IDUA: variants seen among roughly 807,000 people sequenced by gnomAD.
IDUA encodes the protein alpha-L-iduronidase, also known as iduronidase alpha-L-.
A neutral mutation model predicts 68.9 loss-of-function variants in IDUA; 65 were observed. That is an observed-to-expected ratio of 0.94 (90% CI 0.77 to 1.16). The LOEUF is 1.16. Ranked by LOEUF, IDUA falls within the 50% of genes most tolerant of loss-of-function variation. IDUA has a pLI of 0.00. For synonymous variants in IDUA, 529 were observed against 433.6 expected (o/e 1.22, Z -2.73); for missense variants, 1,046 against 938.0 (o/e 1.12, Z -1.50).
intron 10 of IDUA, 55 bp from the exon 11 acceptor site, chr4:1,003,290 G>C: frequency 1.4e-6 from 2 of 1,383,728 alleles, no homozygotes; most frequent in South Asian, 1.6e-5. Flanking sequence ...CCTGAGGTCG[G>C]GCCGAGCGTC....
In IDUA at chr4:1,001,693, T is replaced by C; in HGVS notation, c.604T>C (p.Tyr202His). The stretch of plus-strand genomic sequence containing the variant: ...CCCCGGCCCAGGCTTCCTGAACTAC[T>C]ACGATGCCTGCTCGGAGGGTCTGCG... ...SMTMQGFLNY[Y>H]DACSEGLRAA... The change falls in exon 6 of 14, where the codon TAC becomes CAC. Residue 202 changes from tyrosine to histidine, a missense_variant. Coordinates refer to ENST00000514224, the MANE Select transcript of IDUA (RefSeq NM_000203.5). The C allele has an allele frequency of 6.2e-7, 1 of 1,601,006 alleles. No individual in the cohort carries two copies. The highest frequency in any genetic ancestry group is 1.1e-5 in the South Asian group (1 of 90,868).
In IDUA at chr4:1,002,364, C is replaced by G; in HGVS notation, c.1068C>G (p.His356Gln). ...LSNDNAFLSYHPHPFAQRTLT... is the reference protein window; with the variant it reads ...LSNDNAFLSYQPHPFAQRTLT... ...ACGACAATGCCTTCCTGAGCTACCA[C>G]CCGCACCCCTTCGCGCAGCGCACGC... Residue 356 changes from histidine to glutamine, a missense_variant, in exon 8 of 14, where the codon CAC becomes CAG. Physicochemically the swap from His to Gln is conservative, Grantham distance 24 (BLOSUM62 0). Transcript: ENST00000514224. 1 of 1,612,838 alleles carries G rather than the reference C, an allele frequency of 6.2e-7. No homozygotes were observed.
chr4:992,906 G>A (rs1334652847), intron 2 of IDUA: 1 of 152,266 alleles, frequency 6.6e-6, no homozygotes, highest in Non-Finnish European at 1.5e-5. Flanking sequence ...AGGACACCCT[G>A]GAGCCTGGGC....
At chr4:990,597 G>A (rs1029811081) in intron 2 of IDUA, 2 of 580,102 alleles carry the variant, frequency 3.4e-6, no homozygotes, top group African/African-American at 1.9e-5. Flanking sequence ...GCACACAGCT[G>A]GCCATAGACA....
At chr4:988,948 C>A in intron 2 of IDUA, 1 of 1,596,164 alleles carries the variant, frequency 6.3e-7, no homozygotes. Flanking sequence ...GGGGCCCTCC[C>A]CGAGGAAGCC....
intron 2 of IDUA, 64 bp downstream of exon 2, chr4:988,013 G>A (rs1713881138): frequency 6.6e-7 from 1 of 1,512,546 alleles, no homozygotes. Flanking sequence ...GGGAGGGGAG[G>A]GCTGGGGGCT....
In IDUA at chr4:1,002,329, C is replaced by T. The variant is rs1279043542; in HGVS notation, c.1033C>T (p.Leu345Phe). The T allele has an allele frequency of 4.3e-6, 7 of 1,613,162 alleles. No homozygotes were observed. Among genetic ancestry groups the T allele is most frequent in the East Asian group, 2.2e-5 (1 of 44,884 alleles). The change falls in exon 8 of 14, where the codon CTC becomes TTC. Residue 345 changes from leucine (L) to phenylalanine (F), a missense_variant. Physicochemically the swap from Leu to Phe is conservative, Grantham distance 22. Coordinates refer to ENST00000514224, the MANE Select transcript of IDUA (RefSeq NM_000203.5). ...CACCACCTCCGCCTTCCCCTACGCG[C>T]TCCTGAGCAACGACAATGCCTTCCT... ...ANTTSAFPYA[L>F]LSNDNAFLSY...
At chr4:991,321 A>C (rs760890401) in intron 2 of IDUA, 1 of 1,612,840 alleles carries the variant, frequency 6.2e-7, no homozygotes, top group East Asian at 2.2e-5. Flanking sequence ...GAGGCAAAGC[A>C]GGCTGAAGAT....
At position 987,071 on chromosome 4, in the gene IDUA, G is replaced by A; in HGVS notation, c.-14G>A. The A allele has an allele frequency of 1.3e-6, 2 of 1,504,166 alleles. No homozygotes were observed. Among genetic ancestry groups the A allele is most frequent in the South Asian group, 1.2e-5 (1 of 81,370 alleles). The allele number at this position is 1,504,166 out of a possible 1,614,324, so 93.2% of individuals were successfully genotyped here. On this transcript the variant is annotated 5_prime_UTR_variant, in exon 1 of 14. Coordinates refer to ENST00000514224, the MANE Select transcript of IDUA (RefSeq NM_000203.5). ...TGCAGCCCGAAGCCCCGCAGTCCCC[G>A]AGCACGCGTGGCCATGCGTCCCCTG...
intron 2 of IDUA, among the ~76,000 whole-genome samples, chr4:997,396 C>G (rs1193968454): frequency 2.0e-5 from 3 of 150,176 alleles, no homozygotes; most frequent in African/African-American, 4.9e-5. Context: ...GGTCTCCCCC[C>G]ACCGCCTGCG....
In IDUA at chr4:987,091, C is replaced by A. The variant is rs761444907; in HGVS notation, c.7C>A (p.Pro3Thr). Residue 3 changes from proline (P) to threonine (T), a missense_variant, in exon 1 of 14, where the codon CCC becomes ACC. By Grantham distance (38) the Pro-to-Thr change is conservative (BLOSUM62 -1). Transcript: ENST00000514224. MRPLRPRAALLAL... is the reference protein window; with the variant it reads MRTLRPRAALLAL... ...TCCCCGAGCACGCGTGGCCATGCGTCCCCTGCGCCCCCGCGCCGCGCTGCT... is the reference window on the plus strand; with the variant it reads ...TCCCCGAGCACGCGTGGCCATGCGTACCCTGCGCCCCCGCGCCGCGCTGCT... 1 of 1,471,832 alleles carries A rather than the reference C, an allele frequency of 6.8e-7. No individual in the cohort carries two copies. The highest frequency in any genetic ancestry group is 1.3e-5 in the South Asian group (1 of 77,498). 91.2% of individuals were successfully genotyped at this position (1,471,832 alleles called of 1,614,324 possible).
intron 2 of IDUA, among the ~76,000 whole-genome samples, chr4:998,102 A>G (rs1714852637): frequency 6.6e-6 from 1 of 150,904 alleles, no homozygotes; most frequent in Non-Finnish European, 1.5e-5. Context: ...CTTTGCTACC[A>G]GTGTGTCCTT....
intron 2 of IDUA, chr4:989,648 C>CCAGCGCCAG (rs777165400): frequency 6.3e-7 from 1 of 1,590,954 alleles, no homozygotes; most frequent in Admixed American, 1.8e-5. Context: ...AACAGCGGTG[C>CCAGCGCCAG]CAGCGCCAGC....
At chr4:991,966 C>T (rs1714388198) in intron 2 of IDUA, 1 of 770,814 alleles carries the variant, frequency 1.3e-6, no homozygotes, top group South Asian at 1.5e-5. Context: ...GACACCAAGC[C>T]CATGCCATGG....
chr4:999,278 C>T (rs1026477752), intron 2 of IDUA, among the ~76,000 whole-genome samples: 9 of 152,122 alleles, frequency 5.9e-5, no homozygotes, highest in East Asian at 3.9e-4. Context: ...ATCCTTGTTT[C>T]GCTCTGGGTC....
In IDUA at chr4:1,003,064, C is replaced by A; in HGVS notation, c.1431C>A (p.Asp477Glu). ...TGGTCTACGTCACGCGCTACCTGGA[C>A]AACGGGCTCTGCAGCCCCGACGGCG... ...PGLVYVTRYL[D>E]NGLCSPDGEW... The change falls in exon 10 of 14, where the codon GAC (aspartate) becomes GAA (glutamate). Residue 477 changes from aspartate to glutamate, a missense_variant. Transcript: ENST00000514224. 2.0e-6 allele frequency: 3 copies of A among 1,520,114 alleles called. No homozygotes were observed. The highest frequency in any genetic ancestry group is 2.6e-6 in the Non-Finnish European group (3 of 1,142,976). 94.2% of individuals were successfully genotyped at this position (1,520,114 alleles called of 1,614,324 possible).
intron 2 of IDUA, among the ~76,000 whole-genome samples, chr4:997,799 TG>T (rs975439988): frequency 1.1e-4 from 17 of 151,774 alleles, no homozygotes; most frequent in Admixed American, 7.2e-4. Context: ...TTCCTGGGCC[TG>T]GGGGCGGGGA....
chr4:1,003,894 A>C, intron 12 of IDUA, 118 bp from the exon 13 acceptor site: 5 of 917,070 alleles, frequency 5.5e-6, no homozygotes, highest in Non-Finnish European at 9.1e-6. Flanking sequence ...GGGGCTGGGG[A>C]GGTGCCGCCG....
chr4:987,101 C>A lies in IDUA; in HGVS notation c.17C>A (p.Pro6His), dbSNP rs1257301694. 6.8e-7 allele frequency: 1 copy of A among 1,461,190 alleles called. No individual in the cohort carries two copies. The highest frequency in any genetic ancestry group is 3.0e-5 in the East Asian group (1 of 33,326). 90.5% of individuals were successfully genotyped at this position (1,461,190 alleles called of 1,614,324 possible). A position where few individuals can be genotyped will look rare whatever the true frequency, so the allele number is the denominator to read the frequency against. ...CGCGTGGCCATGCGTCCCCTGCGCC[C>A]CCGCGCCGCGCTGCTGGCGCTCCTG... The part of the protein sequence containing the change: MRPLR[P>H]RAALLALLAS... The change falls in exon 1 of 14, where the codon CCC becomes CAC. Residue 6 changes from proline to histidine, a missense_variant. Pro to His is a moderately conservative substitution (Grantham distance 77). Transcript: ENST00000514224.
Sources: gnomAD v4.1 joint callset for allele counts (sites outside exome capture counted in the v4.1 genomes callset) on GRCh38, gnomAD v4.1.1 for gene constraint, MANE v1.5 for transcripts, NCBI Gene and HGNC (gene_info 2026-07-23, HGNC 2026-07-21) for gene names.